The following ANO3 variants were observed in gnomAD, a reference collection of about 807,000 sequenced individuals.
ANO3 encodes anoctamin 3.
A neutral mutation model predicts 144.8 loss-of-function variants in ANO3; 99 were observed. The observed-to-expected ratio is 0.68, with a 90% CI of 0.58 to 0.81. The LOEUF (loss-of-function observed/expected upper bound fraction) is 0.81. Among genes scored for constraint, ANO3 ranks in the 30% least tolerant of loss-of-function variants. The pLI is 0.00. For synonymous variants in ANO3, 414 were observed against 392.6 expected (o/e 1.05, Z -0.64); for missense variants, 905 against 1,202.2 (o/e 0.75, Z 3.66).
At chr11:26,562,911 C>T in intron 14 of ANO3, 1 of 608,672 alleles carries the variant, frequency 1.6e-6, no homozygotes, top group Non-Finnish European at 2.5e-6. Context: ...AGCAACAGTT[C>T]AAATGTTTTT....
intron 1 of ANO3, among the ~76,000 whole-genome samples, chr11:26,232,752 C>G (rs1852429169): frequency 6.6e-6 from 1 of 152,138 alleles, no homozygotes; most frequent in Non-Finnish European, 1.5e-5. Context: ...ACACCAAAAG[C>G]AATTGCAACA....
At chr11:26,367,095 C>A (rs1253217916) in intron 1 of ANO3, among the ~76,000 whole-genome samples, 1 of 152,148 alleles carries the variant, frequency 6.6e-6, no homozygotes, top group Non-Finnish European at 1.5e-5. Flanking sequence ...ACACCTTATA[C>A]AAAAATTAAT....
chr11:26,421,150 A>G (rs1857740358), intron 1 of ANO3, among the ~76,000 whole-genome samples: 2 of 152,150 alleles, frequency 1.3e-5, no homozygotes, highest in South Asian at 4.1e-4. Context: ...CAGGAGACAG[A>G]GGATGTTATG....
intron 11 of ANO3, among the ~76,000 whole-genome samples, chr11:26,544,230 G>A (rs115338297): frequency 0.1 from 7,229 of 70,534 alleles, 297 homozygotes; most frequent in Admixed American, 0.19. Flanking sequence ...CTTTTTTAAG[G>A]TTAAGTAGTA....
chr11:26,572,222 C>T (rs1302028319), intron 14 of ANO3: 2 of 985,248 alleles, frequency 2.0e-6, no homozygotes, highest in Non-Finnish European at 1.2e-6. Context: ...TGTAACAGAG[C>T]GCCCAGGAAC....
intron 14 of ANO3, among the ~76,000 whole-genome samples, chr11:26,579,718 C>A (rs536660288): frequency 6.6e-6 from 1 of 151,872 alleles, no homozygotes; most frequent in Non-Finnish European, 1.5e-5. Context: ...TATTAAGTCA[C>A]GTGGATCTTT....
chr11:26,591,119 C>T (rs7940520), intron 14 of ANO3, among the ~76,000 whole-genome samples: 2,406 of 152,176 alleles, frequency 0.016, 65 homozygotes, highest in African/African-American at 0.054. Context: ...TTACAAGCCC[C>T]GTGTTTAAAG....
In ANO3 at chr11:26,473,077, A is replaced by T. The variant is rs569776963; in HGVS notation, c.432+9929A>T. ...CACAGACAATTTAAACCTACATATTAGAGTAATATACCATTTGTTCTTTAA... is the reference window on the plus strand; with the variant it reads ...CACAGACAATTTAAACCTACATATTTGAGTAATATACCATTTGTTCTTTAA... On this transcript the variant is annotated intron_variant, in intron 4 of 26. Transcript: ENST00000256737. 9.2e-5 allele frequency among the ~76,000 whole-genome samples: 14 copies of T among 152,094 alleles called. No individual in the cohort carries two copies. The South Asian group carries it at 2.7e-3, about 29-fold the overall frequency.
chr11:26,244,214 T>C (rs1852732599), intron 1 of ANO3, among the ~76,000 whole-genome samples: 1 of 152,036 alleles, frequency 6.6e-6, no homozygotes, highest in Non-Finnish European at 1.5e-5. Flanking sequence ...AAACATGTAG[T>C]TTTTACCTTC....
intron 1 of ANO3, among the ~76,000 whole-genome samples, chr11:26,335,638 T>C (rs145625115): frequency 6.6e-6 from 1 of 152,362 alleles, no homozygotes; most frequent in Non-Finnish European, 1.5e-5. Flanking sequence ...ATTTATTTAC[T>C]GTCCACTCTT....
intron 18 of ANO3, among the ~76,000 whole-genome samples, chr11:26,625,079 C>T (rs1219482124): frequency 6.6e-6 from 1 of 152,122 alleles, no homozygotes; most frequent in Admixed American, 6.5e-5. Flanking sequence ...GCGCCTGCCA[C>T]CACGTCCGGC....
rs577067873 is a variant in ANO3, at chr11:26,571,041, G to C, written c.1447+11262G>C. ...AAAAAAACAAATTTCAGAAGTTTGAGAACATTATTCTGGCTAAAAGACTTA... is the reference window on the plus strand; with the variant it reads ...AAAAAAACAAATTTCAGAAGTTTGACAACATTATTCTGGCTAAAAGACTTA... On this transcript the variant is annotated intron_variant, in intron 14 of 26. Transcript: ENST00000256737. 4.6e-5 allele frequency among the ~76,000 whole-genome samples: 7 copies of C among 152,206 alleles called. No homozygotes were observed. The South Asian group carries it at 1.5e-3, about 32-fold the overall frequency.
intron 24 of ANO3, among the ~76,000 whole-genome samples, chr11:26,649,790 A>AAGAAG (rs1381148169): frequency 1.3e-5 from 2 of 152,188 alleles, no homozygotes; most frequent in African/African-American, 4.8e-5. Context: ...TGTCTGAAAT[A>AAGAAG]AGATCTTATG....
chr11:26,335,979 C>A lies in ANO3; in HGVS notation c.46+3658C>A, dbSNP rs77841827. On this transcript the variant is annotated intron_variant, in intron 1 of 26. Coordinates refer to ENST00000256737, the MANE Select transcript of ANO3 (RefSeq NM_031418.4). ...GGAAGTAAAAAGTGAGACATCTGTG[C>A]AGTGGTGGGGAGGGGGAGGCAGTCT... Among the ~76,000 whole-genome samples, 965 of 152,200 alleles carry A rather than the reference C, an allele frequency of 6.3e-3. 12 individuals are homozygous for A. The highest frequency in any genetic ancestry group is 0.022 in the African/African-American group (914 of 41,506).
At chr11:26,224,045 C>T (rs959514169) in intron 1 of ANO3, among the ~76,000 whole-genome samples, 10 of 152,140 alleles carry the variant, frequency 6.6e-5, no homozygotes, top group South Asian at 4.1e-4. Context: ...GTTGGTGTAA[C>T]GACCCAATCT....
chr11:26,415,198 T>C (rs984959512), intron 1 of ANO3, among the ~76,000 whole-genome samples: 1 of 152,016 alleles, frequency 6.6e-6, no homozygotes, highest in Non-Finnish European at 1.5e-5. Context: ...CACTGTGTTG[T>C]TGGCATATGA....
chr11:26,499,846 A>G (rs994945397), intron 4 of ANO3, among the ~76,000 whole-genome samples: 2 of 151,914 alleles, frequency 1.3e-5, no homozygotes, highest in African/African-American at 4.8e-5. Context: ...CATTTAAAGT[A>G]TTTGATTCAA....
At chr11:26,531,692 TAATA>T (rs1045923189) in intron 8 of ANO3, among the ~76,000 whole-genome samples, 31 of 152,098 alleles carry the variant, frequency 2.0e-4, no homozygotes, top group African/African-American at 5.1e-4. Context: ...TAGATTGCTG[TAATA>T]AATAAATAAA....
At chr11:26,554,074 G>A (rs1011452280) in intron 13 of ANO3, among the ~76,000 whole-genome samples, 2 of 151,932 alleles carry the variant, frequency 1.3e-5, no homozygotes, top group African/African-American at 4.8e-5. Context: ...TTTTCCTCAC[G>A]CCCTTTCAAT....
Sources: allele counts gnomAD v4.1 joint callset (sites outside exome capture counted in the v4.1 genomes callset), GRCh38; gene constraint gnomAD v4.1.1; transcripts MANE v1.5; gene names NCBI Gene and HGNC (gene_info 2026-07-23, HGNC 2026-07-21).